The following PEAR1 variants were observed in gnomAD, a reference collection of about 807,000 sequenced individuals.
PEAR1 encodes platelet endothelial aggregation receptor 1.
In PEAR1, 113 loss-of-function variants were observed where a neutral mutation model predicts 131.2. The ratio of observed to expected loss-of-function variants is 0.86; its 90% confidence interval spans 0.74 to 1.01. PEAR1 has a LOEUF of 1.01. PEAR1 is among the 50% of genes least tolerant of loss of function. The probability of loss-of-function intolerance (pLI) is 0.00; values close to 1 mark genes in which losing one functional copy is unlikely to be tolerated. For synonymous variants in PEAR1, 565 were observed against 523.3 expected, an observed-to-expected ratio of 1.08 and a Z score of -1.09; for missense variants, 1,408 against 1,391.1, an observed-to-expected ratio of 1.01 and a Z score of -0.19.
chr1:156,901,281 G>T (rs1398075428), intron 1 of PEAR1, among the ~76,000 whole-genome samples: 2 of 152,214 alleles, frequency 1.3e-5, no homozygotes, highest in Non-Finnish European at 2.9e-5. Flanking sequence ...AGTGGGTGGG[G>T]ATGAGAGTCA....
intron 1 of PEAR1, among the ~76,000 whole-genome samples, chr1:156,899,542 A>G (rs1327173874): frequency 1.3e-5 from 2 of 152,134 alleles, no homozygotes; most frequent in Non-Finnish European, 2.9e-5. Context: ...GTTCTTCAGA[A>G]AAAACAAGAA....
chr1:156,908,715 C>G lies in PEAR1; in HGVS notation c.1176C>G (p.Asn392Lys), dbSNP rs754162587. The G allele has an allele frequency of 6.5e-7, 1 of 1,546,598 alleles. No homozygotes were observed. Among genetic ancestry groups the G allele is most frequent in the Non-Finnish European group, 8.7e-7 (1 of 1,150,078 alleles). ...CGGGCTGGGCGGGCCTCCACTGCAA[C>G]GAGAGCTGCCCGCAGGACACGCATG... Reference protein sequence around the residue: ...CLPGWAGLHCNESCPQDTHGP... With the variant: ...CLPGWAGLHCKESCPQDTHGP... The change falls in exon 10 of 23, where the codon AAC becomes AAG. Residue 392 changes from asparagine to lysine, a missense_variant. Coordinates refer to ENST00000292357, the MANE Select transcript of PEAR1 (RefSeq NM_001080471.3). The surrounding 1 kb of genome is among the most constrained non-coding windows in gnomAD (Gnocchi z 4.2).
In PEAR1 at chr1:156,914,639, G is replaced by A; in HGVS notation, c.2963-8G>A. On this transcript the variant is annotated splice_region_variant and splice_polypyrimidine_tract_variant and intron_variant, in intron 22 of 22. Transcript: ENST00000292357. ...CCACTCCCTCTTATCTTGTCCTCAT[G>A]TTTCCAGACCGAGACTCTGTGGGCT... The A allele has an allele frequency of 1.2e-6, 2 of 1,608,960 alleles. No individual in the cohort carries two copies. The highest frequency in any genetic ancestry group is 2.2e-5 in the East Asian group (1 of 44,790).
rs770241181 is a variant in PEAR1, at chr1:156,909,046, T to C, written c.1411+10T>C. ...TGCGTCTGCAAGGAAGGTAATAGGG[T>C]GGAGTTTCCCAGAGAGAAGACTTGG... is the stretch of plus-strand genomic sequence containing the variant. On this transcript the variant is annotated intron_variant, in intron 11 of 22. Coordinates refer to ENST00000292357, the MANE Select transcript of PEAR1 (RefSeq NM_001080471.3). The C allele has an allele frequency of 1.2e-6, 2 of 1,613,410 alleles. No homozygotes were observed. The highest frequency in any genetic ancestry group is 1.7e-6 in the Non-Finnish European group (2 of 1,179,932).
Position 156,913,767 on chromosome 1 carries a change from G to A in PEAR1, c.2713+7G>A. ...GGCCCATTCTACAATAAAGGTATGG[G>A]CACAGGGGCAACAAGGGAGGTGGCT... is the stretch of plus-strand genomic sequence containing the variant. On this transcript the variant is annotated splice_region_variant and intron_variant, in intron 21 of 22. Coordinates refer to ENST00000292357, the MANE Select transcript of PEAR1 (RefSeq NM_001080471.3). 1 of 1,613,628 alleles carries A rather than the reference G, an allele frequency of 6.2e-7. No individual in the cohort carries two copies.
rs1272739525 is a variant in PEAR1, at chr1:156,902,632, T to C, written c.-9-1286T>C. Among the ~76,000 whole-genome samples the C allele has an allele frequency of 6.6e-6, 1 of 151,952 alleles. No individual in the cohort carries two copies. Among genetic ancestry groups the C allele is most frequent in the African/African-American group, 2.4e-5 (1 of 41,340 alleles). On this transcript the variant is annotated intron_variant, in intron 1 of 22. Transcript: ENST00000292357. This position sits in a 1 kb window ranked among gnomAD's most constrained non-coding sequence, Gnocchi z 4.3. ...TGTGGGGTAGGGCCAGGCAGCAACA[T>C]TCCAGAGATACTCAGGGGGGTAAGG...
intron 1 of PEAR1, among the ~76,000 whole-genome samples, chr1:156,901,655 G>A (rs939085074): frequency 8.5e-5 from 13 of 152,196 alleles, no homozygotes; most frequent in African/African-American, 2.9e-4. Flanking sequence ...TGCAGTTGGA[G>A]CACAGGGGCC....
At position 156,908,279 on chromosome 1, in the gene PEAR1, G is replaced by A. The variant is rs755476494; in HGVS notation, c.1054G>A (p.Asp352Asn). 1.3e-6 allele frequency: 2 copies of A among 1,584,846 alleles called. No homozygotes were observed. The highest frequency in any genetic ancestry group is 1.7e-5 in the Admixed American group (1 of 57,486). ...CCGCTGCACGGATCGCCTCTGCCCC[G>A]ACGGCTTCTACGGTCTCAGCTGCCA... Reference protein sequence around the residue: ...GDRCTDRLCPDGFYGLSCQAP... With the variant: ...GDRCTDRLCPNGFYGLSCQAP... Residue 352 changes from aspartate to asparagine, a missense_variant, in exon 9 of 23, where the codon GAC becomes AAC. Transcript: ENST00000292357. The surrounding 1 kb of genome is among the most constrained non-coding windows in gnomAD (Gnocchi z 4.2).
intron 1 of PEAR1, among the ~76,000 whole-genome samples, chr1:156,897,417 G>T (rs1649268295): frequency 6.6e-6 from 1 of 152,236 alleles, no homozygotes; most frequent in South Asian, 2.1e-4. Context: ...GTATCCATCA[G>T]CCTAATCAGC....
chr1:156,908,703 C>T lies in PEAR1; in HGVS notation c.1164C>T (p.Gly388=), dbSNP rs1445720876. The change falls in exon 10 of 23, where the codon GGC becomes GGT. Residue 388 remains glycine, a synonymous_variant. Transcript: ENST00000292357. The surrounding 1 kb of genome is among the most constrained non-coding windows in gnomAD (Gnocchi z 4.2). ...GECSCLPGWA[G]LHCNESCPQD... Reference sequence around the variant, plus strand: ...GCTCCTGCCTGCCGGGCTGGGCGGGCCTCCACTGCAACGAGAGCTGCCCGC... The same window carrying T: ...GCTCCTGCCTGCCGGGCTGGGCGGGTCTCCACTGCAACGAGAGCTGCCCGC... 3 of 1,541,332 alleles carry T rather than the reference C, an allele frequency of 1.9e-6. No homozygotes were observed. The highest frequency in any genetic ancestry group is 1.4e-5 in the African/African-American group (1 of 73,224).
intron 1 of PEAR1, among the ~76,000 whole-genome samples, chr1:156,900,285 C>T (rs1285811302): frequency 1.3e-5 from 2 of 152,124 alleles, no homozygotes; most frequent in East Asian, 1.9e-4. Flanking sequence ...TCAGTTCCCA[C>T]GCTTCTGATC....
chr1:156,903,994 C>G lies in PEAR1; in HGVS notation c.68C>G (p.Pro23Arg), dbSNP rs1302474132. 1 of 1,614,100 alleles carries G rather than the reference C, an allele frequency of 6.2e-7. No individual in the cohort carries two copies. Among genetic ancestry groups the G allele is most frequent in the Admixed American group, 1.7e-5 (1 of 60,014 alleles). ...CTGCGGCTGGCTGGAACTCTCAACC[C>G]CAGTGATCCCAATACCTGCAGCTTC... is the stretch of plus-strand genomic sequence containing the variant. Reference protein sequence around the residue: ...VGLRLAGTLNPSDPNTCSFWE... With the variant: ...VGLRLAGTLNRSDPNTCSFWE... Residue 23 changes from proline (P) to arginine (R), a missense_variant, in exon 2 of 23, where the codon CCC becomes CGC. Transcript: ENST00000292357.
chr1:156,913,137 C>T, intron 18 of PEAR1, 57 bp from the exon 19 acceptor site: 1 of 1,576,066 alleles, frequency 6.3e-7, no homozygotes, highest in Non-Finnish European at 8.7e-7. Context: ...GACAAAACAG[C>T]TCTCTTGGAC....
At position 156,906,741 on chromosome 1, in the gene PEAR1, C is replaced by T; in HGVS notation, c.505C>T (p.Leu169=). The change falls in exon 6 of 23, where the codon CTG becomes TTG. Residue 169 remains leucine, a synonymous_variant. Transcript: ENST00000292357. The part of the protein sequence containing the change: ...KSGVCSCPSG[L]QPPNCLQPCT... ...TGGGGTATGTTCTTGCCCTTCTGGT[C>T]TGCAGCCCCCGAACTGCCTTCAGCC... The T allele has an allele frequency of 6.2e-7, 1 of 1,614,228 alleles. No individual in the cohort carries two copies. The highest frequency in any genetic ancestry group is 8.5e-7 in the Non-Finnish European group (1 of 1,180,040).
rs1553269281 is a variant in PEAR1 at position 156,911,097 on chromosome 1, T to TC, written c.1951+355dup. Reference sequence around the variant, plus strand: ...TCTTTCTTTCTTTCTTTCTTTCCTTTCTTTCTTTCTTTTCTTTCTTCTTTC... The same window carrying TC: ...TCTTTCTTTCTTTCTTTCTTTCCTTTCCTTTCTTTCTTTTCTTTCTTCTTTC... On this transcript the variant is annotated intron_variant, in intron 15 of 22. Coordinates refer to ENST00000292357, the MANE Select transcript of PEAR1 (RefSeq NM_001080471.3). 1.7e-3 allele frequency among the ~76,000 whole-genome samples: 168 copies of TC among 101,746 alleles called. 1 individual carries two copies. The highest frequency in any genetic ancestry group is 4.2e-3 in the Middle Eastern group (1 of 236). The allele number at this position is 101,746 out of a possible 152,430, so 66.7% of individuals were successfully genotyped here. A position where few individuals can be genotyped will look rare whatever the true frequency, so the allele number is the denominator to read the frequency against.
At chr1:156,912,459 C>G (rs764173118) in intron 16 of PEAR1, 35 bp from the exon 17 acceptor site, 29 of 1,605,590 alleles carry the variant, frequency 1.8e-5, no homozygotes, top group Non-Finnish European at 2.4e-5. Context: ...CCTGGCGGCT[C>G]TGATGCCGGC....
At chr1:156,913,362 G>C in intron 19 of PEAR1, 29 bp from the exon 20 acceptor site, 1 of 1,608,900 alleles carries the variant, frequency 6.2e-7, no homozygotes. Context: ...CTTGCCTCTT[G>C]CTCTCCCTCC....
Position 156,905,293 on chromosome 1 carries a change from G to A in PEAR1, c.207-31G>A, listed in dbSNP as rs1443080704. On this transcript the variant is annotated intron_variant, in intron 3 of 22. Transcript: ENST00000292357. ...CTGTGGTGAGTGCGGACAGCAGGGA[G>A]GGCTGAGGGCCGCCTTCCTGGCCTC... The A allele has an allele frequency of 1.9e-6, 3 of 1,601,020 alleles. No individual in the cohort carries two copies. In the East Asian group the frequency reaches 6.7e-5, roughly 36 times the overall value.
chr1:156,911,170 CCTTT>C (rs200135619), intron 15 of PEAR1, among the ~76,000 whole-genome samples: 1 of 95,870 alleles, frequency 1.0e-5, no homozygotes, highest in Non-Finnish European at 2.1e-5. Flanking sequence ...TTCTTTCTTT[CCTTT>C]CTTTTCTTTC....
Sources: allele counts gnomAD v4.1 joint callset (sites outside exome capture counted in the v4.1 genomes callset), GRCh38; gene constraint gnomAD v4.1.1; non-coding constraint Gnocchi (gnomAD v3.1); transcripts MANE v1.5; gene names NCBI Gene and HGNC (gene_info 2026-07-23, HGNC 2026-07-21).